ANO10: variants seen among roughly 807,000 people sequenced by gnomAD.
ANO10 encodes the protein anoctamin-10.
A neutral mutation model predicts 74.7 loss-of-function variants in ANO10; 77 were observed. The ratio of observed to expected loss-of-function variants is 1.03; its 90% confidence interval spans 0.86 to 1.25. The LOEUF is 1.25. Among genes scored for constraint, ANO10 ranks in the 50% most tolerant of loss-of-function variants. The pLI is 0.00. For synonymous variants in ANO10, 279 were observed against 284.9 expected (o/e 0.98, Z 0.21); for missense variants, 721 against 778.1 (o/e 0.93, Z 0.87).
chr3:43,392,247 A>G (rs1229583535), intron 12 of ANO10, among the ~76,000 whole-genome samples: 1 of 134,444 alleles, frequency 7.4e-6, no homozygotes, highest in Non-Finnish European at 1.6e-5. Flanking sequence ...CTGTGAAAAA[A>G]ACATTTACCC....
intron 1 of ANO10, among the ~76,000 whole-genome samples, chr3:43,688,248 G>A (rs1303051578): frequency 6.6e-6 from 1 of 152,124 alleles, no homozygotes; most frequent in Non-Finnish European, 1.5e-5. Flanking sequence ...AAGCGCTACA[G>A]GAGTTGCTGC....
chr3:43,374,148 T>C (rs945342572), intron 12 of ANO10, among the ~76,000 whole-genome samples: 38 of 152,172 alleles, frequency 2.5e-4, no homozygotes, highest in African/African-American at 8.9e-4. Flanking sequence ...CTATGCTTCC[T>C]AGGGTTCCCT....
exon 1 of ANO10, chr3:43,691,526 G>C (rs1410380491): frequency 6.6e-6 from 1 of 152,536 alleles, no homozygotes; most frequent in Non-Finnish European, 1.5e-5. Flanking sequence ...CCTGTGCTCT[G>C]TCCAGCCTCA....
intron 1 of ANO10, among the ~76,000 whole-genome samples, chr3:43,682,199 G>T (rs1335684455): frequency 6.6e-6 from 1 of 151,870 alleles, no homozygotes; most frequent in African/African-American, 2.4e-5. Flanking sequence ...TAATAAAGAA[G>T]AAAAGAGAGA....
chr3:43,567,201 A>G (rs1038446596), intron 7 of ANO10, among the ~76,000 whole-genome samples: 4 of 152,332 alleles, frequency 2.6e-5, no homozygotes, highest in Admixed American at 6.5e-5. Flanking sequence ...CCAAATCTAC[A>G]TCTGATTGGT....
At chr3:43,634,292 C>T (rs895820276) in intron 1 of ANO10, among the ~76,000 whole-genome samples, 2 of 151,970 alleles carry the variant, frequency 1.3e-5, no homozygotes, top group Non-Finnish European at 2.9e-5. Context: ...TTTTACATGT[C>T]TTTTAATAAT....
chr3:43,603,059 T>C (rs1400321552), intron 2 of ANO10, among the ~76,000 whole-genome samples: 1 of 152,242 alleles, frequency 6.6e-6, no homozygotes, highest in Non-Finnish European at 1.5e-5. Flanking sequence ...TATGACTACA[T>C]GTTATTTAGA....
chr3:43,382,286 G>A (rs1303402656), intron 12 of ANO10, among the ~76,000 whole-genome samples: 2 of 152,004 alleles, frequency 1.3e-5, no homozygotes, highest in African/African-American at 2.4e-5. Flanking sequence ...TTGGGAGGCC[G>A]AGGCGGGCGG....
At chr3:43,454,204 G>A (rs1277013946) in intron 11 of ANO10, among the ~76,000 whole-genome samples, 1 of 152,200 alleles carries the variant, frequency 6.6e-6, no homozygotes, top group Non-Finnish European at 1.5e-5. Flanking sequence ...AAGGAACACA[G>A]AGGAAGGCCT....
At chr3:43,381,688 C>G (rs574457276) in intron 12 of ANO10, among the ~76,000 whole-genome samples, 2 of 152,290 alleles carry the variant, frequency 1.3e-5, no homozygotes, top group South Asian at 4.1e-4. Context: ...AAAGAAACAA[C>G]AGACTTAAAC....
At chr3:43,536,991 C>A (rs1304061191) in intron 11 of ANO10, among the ~76,000 whole-genome samples, 2 of 102,034 alleles carry the variant, frequency 2.0e-5, no homozygotes, top group Non-Finnish European at 1.9e-5. Flanking sequence ...ACAATTTCAT[C>A]ACTCAAAAAA....
At chr3:43,562,673 T>C (rs1316854525) in intron 8 of ANO10, among the ~76,000 whole-genome samples, 1 of 150,156 alleles carries the variant, frequency 6.7e-6, no homozygotes. Flanking sequence ...AGAGTGAGAC[T>C]CCATCTAAAA....
chr3:43,544,577 G>A (rs2079095987), intron 11 of ANO10, among the ~76,000 whole-genome samples: 1 of 152,076 alleles, frequency 6.6e-6, no homozygotes, highest in South Asian at 2.1e-4. Flanking sequence ...CAGATCACTT[G>A]AGGTCAGGAG....
At chr3:43,484,417 G>A (rs2076385022) in intron 11 of ANO10, among the ~76,000 whole-genome samples, 1 of 152,162 alleles carries the variant, frequency 6.6e-6, no homozygotes, top group Non-Finnish European at 1.5e-5. Flanking sequence ...ACCTAGAAAG[G>A]GAAGGCTTGG....
At chr3:43,409,284 A>G (rs1391417327) in intron 12 of ANO10, among the ~76,000 whole-genome samples, 2 of 152,106 alleles carry the variant, frequency 1.3e-5, no homozygotes, top group Non-Finnish European at 2.9e-5. Context: ...ACATGGGCTC[A>G]TGCCTGTAAT....
At chr3:43,686,888 T>C (rs2084282141) in intron 1 of ANO10, among the ~76,000 whole-genome samples, 1 of 152,050 alleles carries the variant, frequency 6.6e-6, no homozygotes, top group Non-Finnish European at 1.5e-5. Flanking sequence ...AGGAGCTAGT[T>C]AGAAATAGAG....
At chr3:43,448,034 A>G (rs955565246) in intron 11 of ANO10, among the ~76,000 whole-genome samples, 1 of 152,148 alleles carries the variant, frequency 6.6e-6, no homozygotes, top group Non-Finnish European at 1.5e-5. Flanking sequence ...GGTCATAAGG[A>G]TGGAGCGACA....
At position 43,372,857 on chromosome 3, in the gene ANO10, C is replaced by G. The variant is rs974545140; in HGVS notation, c.1915-5883G>C. On this transcript the variant is annotated intron_variant, in intron 12 of 12. Coordinates refer to ENST00000292246, the MANE Select transcript of ANO10 (RefSeq NM_018075.5). Reference sequence around the variant, plus strand: ...GCTTGCAGCTTGCAGCCTGCAGTAGCAGCCAGAGAAATTCTAATTTAGCCA... The same window carrying G: ...GCTTGCAGCTTGCAGCCTGCAGTAGGAGCCAGAGAAATTCTAATTTAGCCA... 1.5e-5 allele frequency: 23 copies of G among 1,534,858 alleles called. No individual in the cohort carries two copies. Among genetic ancestry groups the G allele is most frequent in the Admixed American group, 1.4e-4 (7 of 50,918 alleles).
chr3:43,429,513 T>C (rs2092949551), intron 12 of ANO10, among the ~76,000 whole-genome samples: 1 of 152,156 alleles, frequency 6.6e-6, no homozygotes, highest in Non-Finnish European at 1.5e-5. Context: ...TGCCCCCATC[T>C]ACAAAATGTC....
Sources: gnomAD v4.1 joint callset for allele counts (sites outside exome capture counted in the v4.1 genomes callset) on GRCh38, gnomAD v4.1.1 for gene constraint, MANE v1.5 for transcripts, NCBI Gene and HGNC (gene_info 2026-07-23, HGNC 2026-07-21) for gene names.